Variants in PRRT1B observed in about 807,000 individuals in gnomAD.
The protein encoded by PRRT1B is dispanin subfamily D member 2.
chr9:131,550,104 C>T (rs1463009105), intron 1 of PRRT1B, among the ~76,000 whole-genome samples: 3 of 152,206 alleles, frequency 2.0e-5, no homozygotes, highest in African/African-American at 7.2e-5. Context: ...CCTGTTATCA[C>T]TCGCCTGCTA....
chr9:131,553,718 G>C (rs4740276), intron 1 of PRRT1B, among the ~76,000 whole-genome samples: 13,449 of 152,268 alleles, frequency 0.088, 770 homozygotes, highest in Admixed American at 0.14. Context: ...CAGACCCCTG[G>C]CTCTGGGCTG....
chr9:131,549,644 G>A (rs1431438585), intron 1 of PRRT1B, among the ~76,000 whole-genome samples: 5 of 152,192 alleles, frequency 3.3e-5, no homozygotes, highest in Admixed American at 6.5e-5. Context: ...GGGTAAGTCC[G>A]TCCCCTTCTT....
intron 1 of PRRT1B, among the ~76,000 whole-genome samples, chr9:131,550,461 T>A (rs1951003106): frequency 6.6e-6 from 1 of 152,168 alleles, no homozygotes; most frequent in Non-Finnish European, 1.5e-5. Context: ...CCCCATTACT[T>A]CAGTCAAGCC....
At chr9:131,553,199 C>T (rs1355324563) in intron 1 of PRRT1B, among the ~76,000 whole-genome samples, 1 of 149,624 alleles carries the variant, frequency 6.7e-6, no homozygotes, top group Non-Finnish European at 1.5e-5. Flanking sequence ...AGAACACTCA[C>T]ATTGTTGTGC....
At chr9:131,552,409 G>C (rs751334750) in intron 1 of PRRT1B, among the ~76,000 whole-genome samples, 5 of 152,168 alleles carry the variant, frequency 3.3e-5, no homozygotes, top group Non-Finnish European at 7.4e-5. Context: ...TTGAGCATTG[G>C]TCACTGTATG....
At chr9:131,545,998 A>G (rs1332935356) in intron 1 of PRRT1B, among the ~76,000 whole-genome samples, 2 of 152,038 alleles carry the variant, frequency 1.3e-5, no homozygotes, top group East Asian at 3.9e-4. Context: ...CCCCATCCGG[A>G]GCCAGGGTGG....
chr9:131,549,385 C>T (rs1950995939), intron 1 of PRRT1B, among the ~76,000 whole-genome samples: 1 of 151,982 alleles, frequency 6.6e-6, no homozygotes, highest in Non-Finnish European at 1.5e-5. Flanking sequence ...GCCACTGGGC[C>T]GAGGAATGCC....
At chr9:131,557,272 C>G (rs1490164431) in intron 3 of PRRT1B, among the ~76,000 whole-genome samples, 1 of 152,192 alleles carries the variant, frequency 6.6e-6, no homozygotes, top group African/African-American at 2.4e-5. Flanking sequence ...GGCATGGTGG[C>G]TCACAAATGT....
chr9:131,553,057 CT>C (rs952654867), intron 1 of PRRT1B, among the ~76,000 whole-genome samples: 19 of 152,080 alleles, frequency 1.2e-4, no homozygotes, highest in African/African-American at 4.3e-4. Context: ...CAGATGCTTC[CT>C]TTTTGTATTT....
At chr9:131,549,750 C>A (rs1229357668) in intron 1 of PRRT1B, among the ~76,000 whole-genome samples, 1 of 152,214 alleles carries the variant, frequency 6.6e-6, no homozygotes, top group Non-Finnish European at 1.5e-5. Context: ...GGCTTCTAAA[C>A]CTCTTAAAAC....
intron 1 of PRRT1B, among the ~76,000 whole-genome samples, chr9:131,547,288 C>G (rs1950982890): frequency 6.6e-6 from 1 of 152,042 alleles, no homozygotes; most frequent in South Asian, 2.1e-4. Context: ...TGGCGGGTTC[C>G]TGCCTTAACT....
chr9:131,556,330 G>C (rs1052707222), intron 3 of PRRT1B, 117 bp downstream of exon 3: 1 of 396,910 alleles, frequency 2.5e-6, no homozygotes, highest in Middle Eastern at 5.4e-4. Flanking sequence ...TCCCTCTGGA[G>C]GGGGGTGGGA....
chr9:131,552,333 C>T (rs1951017425), intron 1 of PRRT1B, among the ~76,000 whole-genome samples: 1 of 152,200 alleles, frequency 6.6e-6, no homozygotes, highest in African/African-American at 2.4e-5. Flanking sequence ...GTTATAATGG[C>T]TGCTTTTTCT....
chr9:131,555,687 C>CAAAAAT (rs919320027), intron 2 of PRRT1B, among the ~76,000 whole-genome samples: 62 of 151,980 alleles, frequency 4.1e-4, no homozygotes, highest in African/African-American at 9.2e-4. Context: ...AAAATAAAAA[C>CAAAAAT]AAAAATAAAA....
At chr9:131,559,347 G>A (rs1285575491), downstream of PRRT1B, among the ~76,000 whole-genome samples, 2 of 152,228 alleles carry the variant, frequency 1.3e-5, no homozygotes, top group African/African-American at 4.8e-5. Flanking sequence ...GGAGGCTGAG[G>A]CAGGAGAATT....
intron 1 of PRRT1B, among the ~76,000 whole-genome samples, chr9:131,549,118 A>G (rs1160950148): frequency 6.6e-6 from 1 of 152,200 alleles, no homozygotes; most frequent in Non-Finnish European, 1.5e-5. Context: ...CCGACATTAA[A>G]TAAACCCCCC....
At position 131,550,936 on chromosome 9, in the gene PRRT1B, TTTC is replaced by T. The variant is rs1397259123; in HGVS notation, c.26-3618_26-3616del. ...GTTTAGTTTTTCTTTTTCTTTTCTT[TTTC>T]TTTTTTTTTTTTTTTTTTTTTGAGA... On this transcript the variant is annotated intron_variant, in intron 1 of 3. Transcript: ENST00000636672. Among the ~76,000 whole-genome samples the T allele has an allele frequency of 1.7e-3, 148 of 84,690 alleles. 6 individuals carry two copies. The highest frequency in any genetic ancestry group is 6.6e-3 in the Admixed American group (40 of 6,040). 55.6% of individuals were successfully genotyped at this position (84,690 alleles called of 152,430 possible). A position where few individuals can be genotyped will look rare whatever the true frequency, so the allele number is the denominator to read the frequency against.
exon 4 of PRRT1B, chr9:131,558,306 G>A (rs1436218279): frequency 7.5e-6 from 3 of 399,514 alleles, no homozygotes. Context: ...GCCAGCTCTT[G>A]CCTGCAGAGG....
At chr9:131,546,389 A>C (rs1015012445) in intron 1 of PRRT1B, among the ~76,000 whole-genome samples, 21 of 152,194 alleles carry the variant, frequency 1.4e-4, no homozygotes, top group Admixed American at 3.3e-4. Context: ...GCCCACCCCC[A>C]GGCGTCAGGC....
Sources: gnomAD v4.1 joint callset for allele counts (sites outside exome capture counted in the v4.1 genomes callset) on GRCh38, gnomAD v4.1.1 for gene constraint, MANE v1.5 for transcripts, NCBI Gene and HGNC (gene_info 2026-07-23, HGNC 2026-07-21) for gene names.